Variants in GRAMD4 observed in about 807,000 individuals in gnomAD.
GRAMD4 encodes GRAM domain containing 4.
In GRAMD4, 25 loss-of-function variants were observed where a neutral mutation model predicts 83.9. That is an observed-to-expected ratio of 0.30 (90% CI 0.22 to 0.42). The LOEUF (loss-of-function observed/expected upper bound fraction) is 0.42, where lower values mean the gene tolerates loss of function less well. Ranked by LOEUF, GRAMD4 falls within the 10% of genes least tolerant of loss-of-function variation. GRAMD4 has a pLI of 1.00. For synonymous variants in GRAMD4, 336 were observed against 320.9 expected (o/e 1.05, Z -0.50); for missense variants, 593 against 788.7 (o/e 0.75, Z 2.97).
At chr22:46,666,297 C>T (rs532949559) in intron 9 of GRAMD4, among the ~76,000 whole-genome samples, 1 of 152,210 alleles carries the variant, frequency 6.6e-6, no homozygotes, top group Non-Finnish European at 1.5e-5. Flanking sequence ...CCTTCTTAGC[C>T]TGCGGTTACC....
intron 3 of GRAMD4, among the ~76,000 whole-genome samples, chr22:46,644,338 T>C (rs1352237609): frequency 5.1e-3 from 620 of 122,234 alleles, no homozygotes; most frequent in African/African-American, 6.7e-3. Context: ...TTACACCTGT[T>C]TCTGTTCCGT....
At chr22:46,615,664 G>A (rs71311621), upstream of GRAMD4, among the ~76,000 whole-genome samples, 2,716 of 19,546 alleles carry the variant, frequency 0.14, 382 homozygotes, top group Non-Finnish European at 0.24. Flanking sequence ...AGGTTCCCCC[G>A]TGCGTAGGTT....
At chr22:46,644,518 G>A (rs1160052824) in intron 3 of GRAMD4, among the ~76,000 whole-genome samples, 2 of 151,672 alleles carry the variant, frequency 1.3e-5, no homozygotes, top group African/African-American at 4.9e-5. Context: ...ACCTGCCCCT[G>A]TTCCGTGTTA....
intron 3 of GRAMD4, among the ~76,000 whole-genome samples, chr22:46,653,128 C>T (rs760076510): frequency 2.6e-5 from 4 of 152,360 alleles, no homozygotes; most frequent in Non-Finnish European, 4.4e-5. Flanking sequence ...TCAGGAACGA[C>T]ACTGGGCAAA....
intron 3 of GRAMD4, among the ~76,000 whole-genome samples, chr22:46,639,344 T>G (rs1273008012): frequency 2.0e-5 from 2 of 98,808 alleles, no homozygotes; most frequent in African/African-American, 4.1e-5. Context: ...GTGTGGTGGT[T>G]AACCCTGTGT....
At chr22:46,675,686 G>A (rs1173353934) in intron 17 of GRAMD4, 134 bp downstream of exon 17, 3 of 671,326 alleles carry the variant, frequency 4.5e-6, no homozygotes, top group Non-Finnish European at 8.1e-6. Flanking sequence ...GGCCGGCCAT[G>A]GTCCGTTTCC....
intron 3 of GRAMD4, among the ~76,000 whole-genome samples, chr22:46,650,442 G>A (rs979408321): frequency 1.6e-5 from 2 of 126,698 alleles, no homozygotes; most frequent in East Asian, 3.9e-4. Context: ...GAGCATTGAG[G>A]CTGGGTGGAC....
At position 46,674,574 on chromosome 22, in the gene GRAMD4, A is replaced by G. The variant is rs377074207; in HGVS notation, c.1385-83A>G. 361 of 952,392 alleles carry G rather than the reference A, an allele frequency of 3.8e-4. 4 individuals carry two copies. The South Asian group carries it at 4.6e-3, about 12-fold the overall frequency. 59.0% of individuals were successfully genotyped at this position (952,392 alleles called of 1,614,324 possible). A position where few individuals can be genotyped will look rare whatever the true frequency, so the allele number is the denominator to read the frequency against. ...CGGTGGGCGGATGTCAGGATCTGAGAGTCAGGCTCCTGGGTCCCAGCGTCA... is the reference window on the plus strand; with the variant it reads ...CGGTGGGCGGATGTCAGGATCTGAGGGTCAGGCTCCTGGGTCCCAGCGTCA... On this transcript the variant is annotated intron_variant, in intron 15 of 18. Transcript: ENST00000406902.
intron 5 of GRAMD4, among the ~76,000 whole-genome samples, chr22:46,662,617 C>T (rs2082345365): frequency 6.6e-6 from 1 of 152,212 alleles, no homozygotes; most frequent in Non-Finnish European, 1.5e-5. Flanking sequence ...ATATGCAGGG[C>T]TGGGGCAGTG....
At position 46,620,818 on chromosome 22, in the gene GRAMD4, C is replaced by T. The variant is rs2147136983; in HGVS notation, c.-50+253C>T. On this transcript the variant is annotated intron_variant, in intron 1 of 18. Transcript: ENST00000406902. The surrounding 1 kb of genome is among the most constrained non-coding windows in gnomAD (Gnocchi z 4.7). ...GGTGGAGGCCTCCTGAGAACCTGGC[C>T]TGGTCAGGAGGGCCGGCAAGAGGAG... Among the ~76,000 whole-genome samples the T allele has an allele frequency of 6.6e-6, 1 of 152,270 alleles. No homozygotes were observed. Among genetic ancestry groups the T allele is most frequent in the South Asian group, 2.1e-4 (1 of 4,814 alleles).
At chr22:46,583,867 C>T (rs550889227) in intron 1 of GRAMD4, among the ~76,000 whole-genome samples, 1 of 152,332 alleles carries the variant, frequency 6.6e-6, no homozygotes, top group East Asian at 1.9e-4. Context: ...GAGGTCACTA[C>T]ACGCGGCCAC....
intron 1 of GRAMD4, among the ~76,000 whole-genome samples, chr22:46,588,561 T>C (rs9616069): frequency 0.49 from 74,728 of 152,110 alleles, 20,405 homozygotes; most frequent in African/African-American, 0.75. Context: ...GGCCCCACCC[T>C]GTCCCTCGCA....
intron 2 of GRAMD4, among the ~76,000 whole-genome samples, chr22:46,629,053 G>A (rs1169795607): frequency 2.0e-5 from 3 of 152,190 alleles, no homozygotes; most frequent in African/African-American, 4.8e-5. Flanking sequence ...AGGTCAGCCT[G>A]TGGACTGGGG....
intron 1 of GRAMD4, among the ~76,000 whole-genome samples, chr22:46,593,782 G>A (rs754963212): frequency 2.0e-5 from 3 of 151,944 alleles, no homozygotes; most frequent in Non-Finnish European, 4.4e-5. Context: ...GGAGTGCAGT[G>A]GCGCGATCTC....
upstream of GRAMD4, among the ~76,000 whole-genome samples, chr22:46,615,489 C>G (rs2081469320): frequency 6.7e-6 from 1 of 149,074 alleles, no homozygotes; most frequent in African/African-American, 2.5e-5. Flanking sequence ...GTAGGTTCCC[C>G]CGTGTGTGCG....
intron 1 of GRAMD4, among the ~76,000 whole-genome samples, chr22:46,586,825 G>A (rs9616067): frequency 0.49 from 74,440 of 151,686 alleles, 20,295 homozygotes; most frequent in African/African-American, 0.75. Context: ...TGCAGCTGAT[G>A]AGGAGGGAGC....
At position 46,664,717 on chromosome 22, in the gene GRAMD4, T is replaced by C. The variant is rs113487080; in HGVS notation, c.717+600T>C. Among the ~76,000 whole-genome samples, 392 of 152,316 alleles carry C rather than the reference T, an allele frequency of 2.6e-3. 4 individuals are homozygous for C. Among genetic ancestry groups the C allele is most frequent in the African/African-American group, 8.9e-3 (371 of 41,572 alleles). On this transcript the variant is annotated intron_variant, in intron 8 of 18. Coordinates refer to ENST00000406902, the MANE Select transcript of GRAMD4 (RefSeq NM_015124.5). ...CCTCACCCAGGATGGAGACTGTGCC[T>C]CCAGCACGAGGAAGATGCAGGCAGC...
rs190547722 is a variant in GRAMD4 at position 46,588,642 on chromosome 22, C to T, written c.-50+11352C>T. 6.6e-5 allele frequency among the ~76,000 whole-genome samples: 10 copies of T among 152,274 alleles called. No individual in the cohort carries two copies. In the East Asian group the frequency reaches 1.9e-3, roughly 29 times the overall value. On this transcript the variant is annotated intron_variant, in intron 1 of 1. Coordinates refer to the GRAMD4 transcript ENST00000431155. ...TTCCTGGCTGGGGGGCAGGGGTGGC[C>T]AGTGCTCCTGGAGCTGCGGGGTGCC...
intron 2 of GRAMD4, 21 bp downstream of exon 2, chr22:46,626,982 C>G (rs1569270487): frequency 6.3e-7 from 1 of 1,578,496 alleles, no homozygotes; most frequent in Non-Finnish European, 8.7e-7. Context: ...GTCCTCGTCC[C>G]CCGGTGTGGG....
Sources: allele counts gnomAD v4.1 joint callset (sites outside exome capture counted in the v4.1 genomes callset), GRCh38; gene constraint gnomAD v4.1.1; non-coding constraint Gnocchi (gnomAD v3.1); transcripts MANE v1.5; gene names NCBI Gene and HGNC (gene_info 2026-07-23, HGNC 2026-07-21).